The following LMF1 variants were observed in gnomAD, a reference collection of about 807,000 sequenced individuals.
LMF1 encodes transmembrane protein 112.
In LMF1, 68 loss-of-function variants were observed where a neutral mutation model predicts 60.6. That is an observed-to-expected ratio of 1.12 (90% CI 0.92 to 1.37). The LOEUF (loss-of-function observed/expected upper bound fraction) is 1.37. Among genes scored for constraint, LMF1 ranks in the 40% most tolerant of loss-of-function variants. The pLI is 0.00. For missense variants in LMF1, 948 were observed against 767.2 expected, an observed-to-expected ratio of 1.24 and a Z score of -2.78; for synonymous variants, 418 against 324.7, an observed-to-expected ratio of 1.29 and a Z score of -3.09.
intron 10 of LMF1, among the ~76,000 whole-genome samples, chr16:862,462 T>TA (rs1224102463): frequency 6.6e-6 from 1 of 152,180 alleles, no homozygotes; most frequent in Non-Finnish European, 1.5e-5. Context: ...AATATTTTGT[T>TA]AAAAAATTTT....
intron 3 of LMF1, chr16:931,758 T>C: frequency 7.8e-7 from 1 of 1,287,220 alleles, no homozygotes. Flanking sequence ...GTCTTCTGAA[T>C]TTCTGCGCGA....
At chr16:951,400 G>A (rs973052652) in intron 2 of LMF1, among the ~76,000 whole-genome samples, 2 of 152,350 alleles carry the variant, frequency 1.3e-5, no homozygotes, top group South Asian at 2.1e-4. Context: ...AAGCTGAAGC[G>A]ACTTCAGATA....
intron 10 of LMF1, 188 bp from the exon 11 acceptor site, chr16:854,894 G>T: frequency 1.6e-6 from 1 of 641,576 alleles, no homozygotes; most frequent in South Asian, 1.8e-5. Context: ...GTTCCAGTCG[G>T]CACCCTCAGC....
chr16:939,086 G>A (rs551148303), intron 2 of LMF1, among the ~76,000 whole-genome samples: 19 of 152,308 alleles, frequency 1.2e-4, no homozygotes, highest in African/African-American at 4.1e-4. Flanking sequence ...CACCAAAGGG[G>A]AACGGCAAAG....
At chr16:871,091 C>T in intron 7 of LMF1, 70 bp downstream of exon 7, 1 of 1,462,956 alleles carries the variant, frequency 6.8e-7, no homozygotes, top group Non-Finnish European at 9.1e-7. Flanking sequence ...CCCACACGGG[C>T]AGGCTGTGGG....
At chr16:879,311 G>A (rs1299221481) in intron 6 of LMF1, among the ~76,000 whole-genome samples, 3 of 152,204 alleles carry the variant, frequency 2.0e-5, no homozygotes, top group Non-Finnish European at 1.5e-5. Context: ...GACATGGCCG[G>A]GCCTCTCGCA....
At chr16:871,527 T>G (rs1478402379) in intron 6 of LMF1, 186 bp from the exon 7 acceptor site, 3 of 614,206 alleles carry the variant, frequency 4.9e-6, no homozygotes, top group Admixed American at 3.0e-5. Context: ...AGCAGATGCC[T>G]CAGAGGTGCC....
At chr16:855,472 G>A (rs1407821081) in intron 10 of LMF1, 5 of 357,506 alleles carry the variant, frequency 1.4e-5, no homozygotes, top group Admixed American at 7.5e-5. Context: ...CTGGACTCTC[G>A]GAGGACTGGG....
intron 4 of LMF1, among the ~76,000 whole-genome samples, chr16:904,500 G>A (rs1596960745): frequency 2.7e-5 from 2 of 72,882 alleles, no homozygotes; most frequent in East Asian, 4.4e-4. Flanking sequence ...CCCACAGGAC[G>A]CCTGTCTCTG....
chr16:929,965 T>C (rs1004928109), intron 3 of LMF1, among the ~76,000 whole-genome samples: 2 of 150,060 alleles, frequency 1.3e-5, no homozygotes, highest in Non-Finnish European at 3.0e-5. Flanking sequence ...GTCGCCTCTG[T>C]CTGAACGGGG....
intron 3 of LMF1, among the ~76,000 whole-genome samples, chr16:921,365 G>A (rs1358438938): frequency 1.3e-5 from 2 of 152,216 alleles, no homozygotes; most frequent in Non-Finnish European, 1.5e-5. Context: ...GACCTCCTGG[G>A]TGGGCACACG....
At chr16:868,687 C>T (rs926685499) in intron 10 of LMF1, among the ~76,000 whole-genome samples, 1 of 148,556 alleles carries the variant, frequency 6.7e-6, no homozygotes, top group African/African-American at 2.5e-5. Flanking sequence ...GAGCAGCTGT[C>T]CTGGGCTCCT....
intron 3 of LMF1, among the ~76,000 whole-genome samples, chr16:928,317 T>C (rs2151777914): frequency 6.6e-6 from 1 of 152,308 alleles, no homozygotes; most frequent in East Asian, 1.9e-4. Flanking sequence ...CCAGACCAGC[T>C]GGCATTGGCC....
chr16:864,778 C>T (rs758945631), intron 10 of LMF1, among the ~76,000 whole-genome samples: 1 of 151,636 alleles, frequency 6.6e-6, no homozygotes, highest in Non-Finnish European at 1.5e-5. Context: ...GCATGCACCA[C>T]CATGCCTGGC....
At chr16:911,833 A>C (rs1484199605) in intron 3 of LMF1, among the ~76,000 whole-genome samples, 1 of 152,060 alleles carries the variant, frequency 6.6e-6, no homozygotes, top group African/African-American at 2.4e-5. Flanking sequence ...GTCCACACGG[A>C]ACCAACACCG....
intron 1 of LMF1, chr16:976,246 T>C (rs1042575020): frequency 6.7e-6 from 3 of 446,078 alleles, no homozygotes; most frequent in East Asian, 7.0e-5. Context: ...GCCCAAGGGC[T>C]GAAATGGGGC....
In LMF1 at chr16:878,231, G is replaced by T. The variant is rs543470994; in HGVS notation, c.897+1339C>A. Among the ~76,000 whole-genome samples the T allele has an allele frequency of 1.1e-4, 17 of 152,276 alleles. No homozygotes were observed. Among genetic ancestry groups the T allele is most frequent in the African/African-American group, 3.9e-4 (16 of 41,538 alleles). ...GAGAAACGTGCGGTCCTGGCTGGGGGACGATCTGTGAGCAAGTCCGTTCTT... is the reference window on the plus strand; with the variant it reads ...GAGAAACGTGCGGTCCTGGCTGGGGTACGATCTGTGAGCAAGTCCGTTCTT... On this transcript the variant is annotated intron_variant, in intron 6 of 10. Coordinates refer to ENST00000262301, the MANE Select transcript of LMF1 (RefSeq NM_022773.4). The surrounding 1 kb of genome is among the most constrained non-coding windows in gnomAD (Gnocchi z 5.2).
At chr16:955,752 C>T (rs1174634191) in intron 1 of LMF1, among the ~76,000 whole-genome samples, 2 of 152,262 alleles carry the variant, frequency 1.3e-5, no homozygotes, top group African/African-American at 4.8e-5. Context: ...TGGCTACACA[C>T]AGACAGCCAG....
At chr16:945,093 C>A (rs1382378467) in intron 2 of LMF1, among the ~76,000 whole-genome samples, 2 of 150,296 alleles carry the variant, frequency 1.3e-5, no homozygotes, top group South Asian at 2.1e-4. Flanking sequence ...TGCCTATAAT[C>A]CCAGCTACTT....
Sources: allele counts gnomAD v4.1 joint callset (sites outside exome capture counted in the v4.1 genomes callset), GRCh38; gene constraint gnomAD v4.1.1; non-coding constraint Gnocchi (gnomAD v3.1); transcripts MANE v1.5; gene names NCBI Gene and HGNC (gene_info 2026-07-23, HGNC 2026-07-21).